IL3RA: variants seen among roughly 807,000 people sequenced by gnomAD.
IL3RA encodes the protein interleukin 3 receptor subunit alpha.
Under a neutral mutation model 52.3 loss-of-function variants are expected in IL3RA, and 73 were observed. That is an observed-to-expected ratio of 1.40 (90% CI 1.16 to 1.70). The LOEUF is 1.70. IL3RA is among the 40% of genes most tolerant of loss of function. The pLI is 0.00. For missense variants in IL3RA, 664 were observed against 504.4 expected (o/e 1.32, Z -3.03); for synonymous variants, 260 against 194.0 (o/e 1.34, Z -2.83).
intron 4 of IL3RA, among the ~76,000 whole-genome samples, chrX:1,351,631 GT>G (rs1220332359): frequency 1.5e-5 from 2 of 135,320 alleles, no homozygotes; most frequent in Non-Finnish European, 3.2e-5. Context: ...GCCTGGGTTT[GT>G]TTTTTTATTT....
Position 1,348,690 on chromosome X carries a change from C to CTT in IL3RA, c.298+149_298+150dup, listed in dbSNP as rs878975237. ...TCTTTCTTTCTTTCTTTCTTTCTTTCTTTTTCTTTCTTTCTGTTTCTGTTT... is the reference window on the plus strand; with the variant it reads ...TCTTTCTTTCTTTCTTTCTTTCTTTCTTTTTTTCTTTCTTTCTGTTTCTGTTT... On this transcript the variant is annotated intron_variant, in intron 4 of 11. Coordinates refer to ENST00000331035, the MANE Select transcript of IL3RA (RefSeq NM_002183.4). 6 of 481,438 alleles carry CTT rather than the reference C, an allele frequency of 1.2e-5. No homozygotes were observed. In the East Asian group the frequency reaches 1.6e-4, roughly 13 times the overall value. 29.8% of individuals were successfully genotyped at this position (481,438 alleles called of 1,614,324 possible).
Position 1,365,283 on chromosome X carries a change from A to AGCGGGGTGCGCGGGGTGC in IL3RA, c.874+39_874+40insCGCGGGGTGCGCGGGGTG, listed in dbSNP as rs1569526132. ...TGGGCTGTGCGGGGTGCGCGGGGTG[A>AGCGGGGTGCGCGGGGTGC]GCGGGGTGAGCGGGGTGCGCGGGGT... On this transcript the variant is annotated intron_variant, in intron 9 of 11. Coordinates refer to ENST00000331035, the MANE Select transcript of IL3RA (RefSeq NM_002183.4). 3.1e-5 allele frequency: 37 copies of AGCGGGGTGCGCGGGGTGC among 1,212,734 alleles called. No individual in the cohort carries two copies. In the Middle Eastern group the frequency reaches 7.6e-4, roughly 25 times the overall value. The allele number at this position is 1,212,734 out of a possible 1,614,324, so 75.1% of individuals were successfully genotyped here. A position where few individuals can be genotyped will look rare whatever the true frequency, so the allele number is the denominator to read the frequency against.
At chrX:1,364,276 G>A (rs1384156027) in intron 8 of IL3RA, among the ~76,000 whole-genome samples, 1 of 152,008 alleles carries the variant, frequency 6.6e-6, no homozygotes, top group Non-Finnish European at 1.5e-5. Context: ...TGGATCACCG[G>A]AGGTTGGGAG....
chrX:1,353,365 CTCA>C (rs2086269155), intron 6 of IL3RA, among the ~76,000 whole-genome samples: 1 of 148,528 alleles, frequency 6.7e-6, no homozygotes, highest in African/African-American at 2.5e-5. Flanking sequence ...CATGGGATCC[CTCA>C]TCATGGGTTT....
intron 9 of IL3RA, among the ~76,000 whole-genome samples, chrX:1,377,632 C>G (rs765919607): frequency 6.6e-6 from 1 of 150,904 alleles, no homozygotes; most frequent in Non-Finnish European, 1.5e-5. Flanking sequence ...ATAAGGTTAT[C>G]GTCATAGGTT....
chrX:1,363,067 C>T (rs1213507664), intron 8 of IL3RA, among the ~76,000 whole-genome samples: 12 of 152,070 alleles, frequency 7.9e-5, no homozygotes, highest in East Asian at 1.9e-4. Flanking sequence ...TCAGCCACCG[C>T]GCCCGGCCAC....
At chrX:1,339,978 G>A (rs1341400876) in intron 1 of IL3RA, among the ~76,000 whole-genome samples, 1 of 152,054 alleles carries the variant, frequency 6.6e-6, no homozygotes, top group Non-Finnish European at 1.5e-5. Flanking sequence ...TTTCATCATT[G>A]TAATTATACT....
At position 1,347,937 on chromosome X, in the gene IL3RA, T is replaced by C. The variant is rs1357709020; in HGVS notation, c.184-494T>C. ...CTGTAGTCCCAGCTACTTGGGAGGA[T>C]GAGGCAGGAGAATGGCATGAACCCG... On this transcript the variant is annotated intron_variant, in intron 3 of 11. Transcript: ENST00000331035. Among the ~76,000 whole-genome samples the C allele has an allele frequency of 2.0e-5, 3 of 149,016 alleles. No individual in the cohort carries two copies. In the Admixed American group the frequency reaches 2.0e-4, roughly 10 times the overall value.
Position 1,378,674 on chromosome X carries a change from A to G in IL3RA, c.890A>G (p.Glu297Gly), listed in dbSNP as rs2088969803. 6.2e-7 allele frequency: 1 copy of G among 1,612,370 alleles called. No homozygotes were observed. Among genetic ancestry groups the G allele is most frequent in the Non-Finnish European group, 8.5e-7 (1 of 1,179,700 alleles). Residue 297 changes from glutamate to glycine, a missense_variant, in exon 10 of 12, where the codon GAG becomes GGG. Coordinates refer to ENST00000331035, the MANE Select transcript of IL3RA (RefSeq NM_002183.4). ...TTACCCCTAGAGTGCGACCAGGAGG[A>G]GGGCGCAAACACACGTGCCTGGCGG... ...TPQRFECDQE[E>G]GANTRAWRTS...
chrX:1,352,725 G>A (rs1472369104), intron 6 of IL3RA, among the ~76,000 whole-genome samples: 1 of 151,806 alleles, frequency 6.6e-6, no homozygotes, highest in African/African-American at 2.4e-5. Context: ...GTGTCTTCAC[G>A]TGGTGTAGAG....
intron 1 of IL3RA, among the ~76,000 whole-genome samples, chrX:1,338,673 C>T (rs2085385825): frequency 6.6e-6 from 1 of 152,172 alleles, no homozygotes; most frequent in African/African-American, 2.4e-5. Flanking sequence ...TCCCTATGTC[C>T]AGATACAGGC....
intron 8 of IL3RA, among the ~76,000 whole-genome samples, chrX:1,360,850 TCTCCCTGTCTCTCTCTCCCTTCCC>T (rs1233881666): frequency 7.0e-6 from 1 of 143,820 alleles, no homozygotes; most frequent in Admixed American, 7.0e-5. Context: ...TTTCTAGCTC[TCTCCCTGTCTCTCTCTCCCTTCCC>T]CTCTCTGTCT....
intron 9 of IL3RA, among the ~76,000 whole-genome samples, chrX:1,368,707 G>A (rs1288929123): frequency 6.6e-6 from 1 of 151,734 alleles, no homozygotes; most frequent in South Asian, 2.1e-4. Context: ...GACCCTGTGG[G>A]ACACAGGGAG....
intron 8 of IL3RA, among the ~76,000 whole-genome samples, chrX:1,364,149 C>T (rs2087725168): frequency 6.7e-6 from 1 of 150,226 alleles, no homozygotes; most frequent in African/African-American, 2.5e-5. Flanking sequence ...GATCACGCCA[C>T]TGCACTCCAG....
chrX:1,382,341 C>A, intron 11 of IL3RA, 50 bp from the exon 12 acceptor site: 1 of 1,333,882 alleles, frequency 7.5e-7, no homozygotes, highest in Non-Finnish European at 1.0e-6. Context: ...GACGTGGGCT[C>A]TGTTATCTGG....
chrX:1,352,289 G>T, intron 5 of IL3RA, 33 bp from the exon 6 acceptor site: 4 of 1,613,148 alleles, frequency 2.5e-6, no homozygotes, highest in Non-Finnish European at 3.4e-6. Context: ...CCATCGGCGT[G>T]GGGTCGTCCC....
chrX:1,369,934 C>A (rs371788334), intron 9 of IL3RA, among the ~76,000 whole-genome samples: 212 of 21,394 alleles, frequency 9.9e-3, no homozygotes, highest in Middle Eastern at 0.042. Flanking sequence ...AGGAACCAGC[C>A]CTGCCCACAC....
intron 5 of IL3RA, 41 bp downstream of exon 5, chrX:1,352,273 CG>C: frequency 6.2e-7 from 1 of 1,613,002 alleles, no homozygotes; most frequent in Non-Finnish European, 8.5e-7. Context: ...GTCCCTGGTG[CG>C]GGTGCCATCG....
intron 1 of IL3RA, among the ~76,000 whole-genome samples, chrX:1,339,963 G>T (rs1569518749): frequency 6.6e-6 from 1 of 151,994 alleles, no homozygotes; most frequent in Non-Finnish European, 1.5e-5. Context: ...ATTTCCGTGT[G>T]TTGATTTCAT....
Sources: allele counts gnomAD v4.1 joint callset (sites outside exome capture counted in the v4.1 genomes callset), GRCh38; gene constraint gnomAD v4.1.1; transcripts MANE v1.5; gene names NCBI Gene and HGNC (gene_info 2026-07-23, HGNC 2026-07-21).